TMEM116: variants seen among roughly 807,000 people sequenced by gnomAD.
TMEM116 encodes transmembrane protein 116.
In TMEM116, 38 loss-of-function variants were observed where a neutral mutation model predicts 44.3. The ratio of observed to expected loss-of-function variants is 0.86; its 90% CI spans 0.66 to 1.12. The LOEUF (loss-of-function observed/expected upper bound fraction) is 1.12. TMEM116 is among the 50% of genes most tolerant of loss of function. TMEM116 has a pLI of 0.00. For synonymous variants in TMEM116, 132 were observed against 144.8 expected, an observed-to-expected ratio of 0.91 and a Z score of 0.64; for missense variants, 354 against 401.7, an observed-to-expected ratio of 0.88 and a Z score of 1.01.
intron 5 of TMEM116, 139 bp from the exon 6 acceptor site, chr12:111,938,349 T>TA (rs2072344589): frequency 1.9e-6 from 1 of 537,784 alleles, no homozygotes; most frequent in South Asian, 3.2e-5. Context: ...ATATTTGCTA[T>TA]AAAATTCATC....
At chr12:111,940,523 GTATATATA>G (rs759583297) in intron 5 of TMEM116, among the ~76,000 whole-genome samples, 13 of 104,952 alleles carry the variant, frequency 1.2e-4, no homozygotes, top group African/African-American at 5.8e-4. Context: ...ATATATATGT[GTATATATA>G]TATATATATA....
At chr12:111,942,491 G>C (rs1264865402) in intron 5 of TMEM116, among the ~76,000 whole-genome samples, 1 of 151,930 alleles carries the variant, frequency 6.6e-6, no homozygotes, top group Non-Finnish European at 1.5e-5. Context: ...CCCGAATGGT[G>C]TCAATCTCCT....
chr12:111,952,669 ACCTGAAAAGAC>A (rs1231503416), intron 4 of TMEM116, among the ~76,000 whole-genome samples: 1 of 152,162 alleles, frequency 6.6e-6, no homozygotes, highest in Non-Finnish European at 1.5e-5. Flanking sequence ...AGGCAGAAGA[ACCTGAAAAGAC>A]TAGCCTGGCT....
chr12:111,934,124 G>T, intron 8 of TMEM116, 94 bp from the exon 9 acceptor site: 3 of 1,384,866 alleles, frequency 2.2e-6, no homozygotes, highest in Non-Finnish European at 9.7e-7. Flanking sequence ...TATTCTCTTA[G>T]AATCTCACAA....
chr12:112,008,789 T>C lies in TMEM116; in HGVS notation c.-33-3486A>G, dbSNP rs186496995. 3.5e-3 allele frequency among the ~76,000 whole-genome samples: 531 copies of C among 152,072 alleles called. 1 individual carries two copies. Among genetic ancestry groups the C allele is most frequent in the Non-Finnish European group, 5.2e-3 (354 of 67,978 alleles). On this transcript the variant is annotated intron_variant, in intron 1 of 10. Transcript: ENST00000552374. ...GAACTTGAGACTAGCCTGACCAACA[T>C]GGTGAAATCCTCTCTCTACTAAATA... is the stretch of plus-strand genomic sequence containing the variant.
chr12:111,951,497 C>A (rs767758633), intron 4 of TMEM116, among the ~76,000 whole-genome samples: 6 of 152,264 alleles, frequency 3.9e-5, no homozygotes, highest in Middle Eastern at 3.4e-3. Flanking sequence ...TAAAAAAGGA[C>A]AAGATCATGT....
At chr12:112,008,461 C>T (rs1429840714) in intron 1 of TMEM116, among the ~76,000 whole-genome samples, 4 of 150,166 alleles carry the variant, frequency 2.7e-5, no homozygotes, top group Non-Finnish European at 5.9e-5. Context: ...GCCTGGATGA[C>T]AGAGCAAGAC....
intron 3 of TMEM116, among the ~76,000 whole-genome samples, chr12:111,994,705 C>T (rs748957989): frequency 1.3e-5 from 2 of 152,104 alleles, no homozygotes; most frequent in African/African-American, 2.4e-5. Flanking sequence ...ACAGTCTATC[C>T]ATAACCTATG....
chr12:111,991,228 A>C (rs2076556979), intron 4 of TMEM116, among the ~76,000 whole-genome samples: 1 of 150,354 alleles, frequency 6.7e-6, no homozygotes, highest in Non-Finnish European at 1.5e-5. Context: ...AAAAAAAAAA[A>C]AAAAAAAAAA....
intron 8 of TMEM116, 70 bp from the exon 9 acceptor site, chr12:111,934,100 C>T: frequency 2.0e-6 from 3 of 1,490,524 alleles, no homozygotes; most frequent in Non-Finnish European, 2.7e-6. Flanking sequence ...ATCCTCCTAT[C>T]ATTTTAAAAA....
At position 111,940,542 on chromosome 12, in the gene TMEM116, TATACAC is replaced by T. The variant is rs1383841234; in HGVS notation, c.316-2338_316-2333del. On this transcript the variant is annotated intron_variant, in intron 5 of 10. Transcript: ENST00000552374. The stretch of plus-strand genomic sequence containing the variant: ...ATATGTGTATATATATATATATATA[TATACAC>T]ACACACATATATATGTGTGTATATA... Among the ~76,000 whole-genome samples the T allele has an allele frequency of 3.2e-3, 327 of 103,436 alleles. 3 individuals are homozygous for T. Among genetic ancestry groups the T allele is most frequent in the African/African-American group, 0.02 (315 of 15,756 alleles). 67.9% of individuals were successfully genotyped at this position (103,436 alleles called of 152,430 possible).
At chr12:111,935,771 G>GCA (rs1444749154) in intron 8 of TMEM116, 3 of 152,056 alleles carry the variant, frequency 2.0e-5, no homozygotes, top group African/African-American at 7.3e-5. Context: ...CTCCTGAGTA[G>GCA]CTGGGACTAT....
chr12:111,960,668 A>T (rs1484261678), intron 4 of TMEM116, among the ~76,000 whole-genome samples: 1 of 152,144 alleles, frequency 6.6e-6, no homozygotes, highest in African/African-American at 2.4e-5. Flanking sequence ...TTTGGGACAC[A>T]GCCAAAGCAG....
chr12:111,944,895 G>A (rs1307584623), intron 4 of TMEM116, among the ~76,000 whole-genome samples: 1 of 151,796 alleles, frequency 6.6e-6, no homozygotes, highest in Non-Finnish European at 1.5e-5. Flanking sequence ...TACATAAAAG[G>A]CTGCCCTCAC....
At chr12:111,959,705 G>A (rs2074432411) in intron 4 of TMEM116, among the ~76,000 whole-genome samples, 1 of 152,122 alleles carries the variant, frequency 6.6e-6, no homozygotes, top group South Asian at 2.1e-4. Flanking sequence ...TGCAATCCTA[G>A]TCTCTGATAA....
chr12:112,002,361 C>G (rs908249191), intron 3 of TMEM116, among the ~76,000 whole-genome samples: 2 of 148,992 alleles, frequency 1.3e-5, no homozygotes, highest in African/African-American at 5.0e-5. Flanking sequence ...CCATCACACT[C>G]CAGCCTGGGC....
At chr12:111,982,044 A>T (rs1445278417) in intron 4 of TMEM116, among the ~76,000 whole-genome samples, 1 of 152,216 alleles carries the variant, frequency 6.6e-6, no homozygotes, top group Non-Finnish European at 1.5e-5. Flanking sequence ...GGGAGGAAGC[A>T]TACTGGGGAT....
At chr12:111,943,482 T>C in intron 4 of TMEM116, 113 bp from the exon 5 acceptor site, 1 of 758,478 alleles carries the variant, frequency 1.3e-6, no homozygotes, top group Non-Finnish European at 2.2e-6. Context: ...AGTCTATTAG[T>C]AATGTACCAT....
At chr12:111,955,019 C>A (rs2073979823) in intron 4 of TMEM116, among the ~76,000 whole-genome samples, 1 of 152,184 alleles carries the variant, frequency 6.6e-6, no homozygotes, top group African/African-American at 2.4e-5. Flanking sequence ...TAGCCAGATT[C>A]TCTTATCCAG....
Sources: gnomAD v4.1 joint callset for allele counts (sites outside exome capture counted in the v4.1 genomes callset) on GRCh38, gnomAD v4.1.1 for gene constraint, MANE v1.5 for transcripts, NCBI Gene and HGNC (gene_info 2026-07-23, HGNC 2026-07-21) for gene names.